The following NAALADL2 variants were observed in gnomAD, a reference collection of about 807,000 sequenced individuals.
NAALADL2 encodes the protein inactive N-acetylated-alpha-linked acidic dipeptidase-like protein 2.
Under a neutral mutation model 87.2 loss-of-function variants are expected in NAALADL2, and 76 were observed. The observed-to-expected ratio is 0.87, with a 90% CI of 0.72 to 1.05. NAALADL2 has a LOEUF of 1.05. NAALADL2 is among the 50% of genes least tolerant of loss of function. NAALADL2 has a pLI of 0.00. For missense variants in NAALADL2, 1,089 were observed against 945.8 expected (o/e 1.15, Z -1.99); for synonymous variants, 354 against 331.0 (o/e 1.07, Z -0.75).
chr3:174,730,940 G>A (rs755689669), intron 2 of NAALADL2, among the ~76,000 whole-genome samples: 29 of 152,084 alleles, frequency 1.9e-4, no homozygotes, highest in Non-Finnish European at 2.9e-4. Context: ...AGAATTTATC[G>A]TAAGTTTGAA....
intron 5 of NAALADL2, among the ~76,000 whole-genome samples, chr3:175,333,294 T>C (rs1477865019): frequency 6.6e-6 from 1 of 152,136 alleles, no homozygotes; most frequent in African/African-American, 2.4e-5. Context: ...CAAAGGTGGA[T>C]GGGGCAGCAG....
chr3:175,179,520 C>T lies in NAALADL2; in HGVS notation c.546-54411C>T, dbSNP rs534493603. Among the ~76,000 whole-genome samples the T allele has an allele frequency of 5.3e-5, 8 of 151,982 alleles. No individual in the cohort carries two copies. In the South Asian group the frequency reaches 1.5e-3, roughly 28 times the overall value. On this transcript the variant is annotated intron_variant, in intron 2 of 13. Coordinates refer to ENST00000454872, the MANE Select transcript of NAALADL2 (RefSeq NM_207015.3). ...AGCCTATGGAATTTTACTGGTGTTT[C>T]TTAGAAATTCAAGATACTTGCTTAT...
In NAALADL2 at chr3:175,551,087, CGT is replaced by C. The variant is rs60306944; in HGVS notation, c.1654-24937_1654-24936del. Among the ~76,000 whole-genome samples the C allele has an allele frequency of 3.4e-4, 51 of 148,890 alleles. 1 individual carries two copies. The highest frequency in any genetic ancestry group is 1.4e-3 in the East Asian group (7 of 5,100). On this transcript the variant is annotated intron_variant, in intron 9 of 13. Coordinates refer to ENST00000454872, the MANE Select transcript of NAALADL2 (RefSeq NM_207015.3). ...AGAGACGAGTGTGTGTGTGTCTCTG[CGT>C]GTGTGTGTGTGTGTGTTTCCTAGCT...
intron 2 of NAALADL2, among the ~76,000 whole-genome samples, chr3:174,635,601 C>A (rs189687953): frequency 1.3e-5 from 2 of 151,434 alleles, no homozygotes; most frequent in Non-Finnish European, 2.9e-5. Flanking sequence ...CTCCCGGGTT[C>A]CAGCAATTCT....
At chr3:175,564,227 C>G (rs762376777) in intron 9 of NAALADL2, among the ~76,000 whole-genome samples, 5 of 152,030 alleles carry the variant, frequency 3.3e-5, no homozygotes, top group Non-Finnish European at 7.4e-5. Context: ...GCCCTCTAAC[C>G]CTGGTCACAG....
chr3:175,203,805 A>T (rs1560160376), intron 2 of NAALADL2, among the ~76,000 whole-genome samples: 1 of 152,236 alleles, frequency 6.6e-6, no homozygotes, highest in Middle Eastern at 3.2e-3. Context: ...ATTCAAGGCT[A>T]CTATGAATAA....
At chr3:175,377,387 T>G (rs1422960401) in intron 5 of NAALADL2, among the ~76,000 whole-genome samples, 1 of 152,054 alleles carries the variant, frequency 6.6e-6, no homozygotes, top group Non-Finnish European at 1.5e-5. Context: ...ATATTATCAG[T>G]TTTTTTTAAT....
At chr3:175,043,947 A>G (rs1232524586) in intron 1 of NAALADL2, among the ~76,000 whole-genome samples, 2 of 152,158 alleles carry the variant, frequency 1.3e-5, no homozygotes, top group Admixed American at 6.6e-5. Flanking sequence ...ATTACTTTGA[A>G]TCTATAAATT....
rs1239580563 is a variant in NAALADL2, at chr3:175,113,299, A to G, written c.545+16008A>G. Among the ~76,000 whole-genome samples, 5 of 151,710 alleles carry G rather than the reference A, an allele frequency of 3.3e-5. No individual in the cohort carries two copies. In the East Asian group the frequency reaches 9.7e-4, roughly 29 times the overall value. On this transcript the variant is annotated intron_variant, in intron 2 of 13. Transcript: ENST00000454872. ...ATAAATATTCATCAAATGTATGGTCAGTGAGGTATGTGCTGGTAGAGCATC... is the reference window on the plus strand; with the variant it reads ...ATAAATATTCATCAAATGTATGGTCGGTGAGGTATGTGCTGGTAGAGCATC...
intron 2 of NAALADL2, among the ~76,000 whole-genome samples, chr3:174,643,185 C>T (rs1723430005): frequency 1.3e-5 from 2 of 152,196 alleles, no homozygotes; most frequent in South Asian, 4.2e-4. Flanking sequence ...ATTTTCAGGC[C>T]ACAGAGTAGT....
At chr3:174,490,913 A>T (rs1718150287) in intron 1 of NAALADL2, among the ~76,000 whole-genome samples, 1 of 152,126 alleles carries the variant, frequency 6.6e-6, no homozygotes, top group African/African-American at 2.4e-5. Context: ...ATTAAAACTT[A>T]TAACGGGGTT....
At chr3:174,727,920 C>A (rs1416420118) in intron 2 of NAALADL2, among the ~76,000 whole-genome samples, 1 of 152,140 alleles carries the variant, frequency 6.6e-6, no homozygotes, top group Non-Finnish European at 1.5e-5. Context: ...AATCTTTTCA[C>A]TGTCTCCATA....
chr3:174,925,006 C>G (rs1258357524), intron 1 of NAALADL2, among the ~76,000 whole-genome samples: 1 of 151,990 alleles, frequency 6.6e-6, no homozygotes, highest in Non-Finnish European at 1.5e-5. Flanking sequence ...AAAATTTTCT[C>G]CCATTCTGTA....
At chr3:174,754,298 A>AT (rs1711696864) in intron 3 of NAALADL2, among the ~76,000 whole-genome samples, 1 of 152,202 alleles carries the variant, frequency 6.6e-6, no homozygotes, top group Non-Finnish European at 1.5e-5. Context: ...CAGAAGTATA[A>AT]TAAAATATGA....
intron 1 of NAALADL2, among the ~76,000 whole-genome samples, chr3:175,015,798 C>G (rs1750734772): frequency 6.6e-6 from 1 of 151,788 alleles, no homozygotes; most frequent in Non-Finnish European, 1.5e-5. Flanking sequence ...AATTATTTTG[C>G]AAAATATTTT....
At chr3:174,684,774 CTG>C (rs924241485) in intron 2 of NAALADL2, among the ~76,000 whole-genome samples, 19 of 152,068 alleles carry the variant, frequency 1.2e-4, no homozygotes, top group Admixed American at 3.3e-4. Context: ...GATTACAAAA[CTG>C]TGAATGGAAG....
intron 1 of NAALADL2, among the ~76,000 whole-genome samples, chr3:174,907,756 G>A (rs752838770): frequency 3.3e-5 from 5 of 152,020 alleles, no homozygotes; most frequent in Non-Finnish European, 7.4e-5. Context: ...TGGATCTATT[G>A]TGTATAGATG....
intron 2 of NAALADL2, among the ~76,000 whole-genome samples, chr3:174,726,090 G>C (rs892007318): frequency 1.3e-5 from 2 of 152,064 alleles, no homozygotes; most frequent in African/African-American, 4.8e-5. Context: ...CATTAAGTCT[G>C]TGATGGTTTT....
intron 3 of NAALADL2, among the ~76,000 whole-genome samples, chr3:174,750,873 A>G (rs1215222511): frequency 6.6e-6 from 1 of 152,150 alleles, no homozygotes; most frequent in Non-Finnish European, 1.5e-5. Flanking sequence ...AGCTGCAGTC[A>G]TTTTGCAAAT....
Sources: gnomAD v4.1 joint callset for allele counts (sites outside exome capture counted in the v4.1 genomes callset) on GRCh38, gnomAD v4.1.1 for gene constraint, MANE v1.5 for transcripts, NCBI Gene and HGNC (gene_info 2026-07-23, HGNC 2026-07-21) for gene names.